Variants in APPL2 observed in about 807,000 individuals in gnomAD.
APPL2 encodes adaptor protein, phosphotyrosine interacting with PH domain and leucine zipper 2, also known as DCC-interacting protein 13-beta.
In APPL2, 84 loss-of-function variants were observed where a neutral mutation model predicts 92.7. The ratio of observed to expected loss-of-function variants is 0.91; its 90% confidence interval spans 0.76 to 1.09. APPL2 has a LOEUF of 1.09. Ranked by LOEUF, APPL2 falls within the 50% of genes least tolerant of loss-of-function variation. The pLI, the probability that APPL2 is intolerant of heterozygous loss-of-function variation, is 0.00. For synonymous variants in APPL2, 291 were observed against 291.0 expected (o/e 1.00, Z 0.00); for missense variants, 736 against 824.5 (o/e 0.89, Z 1.31).
intron 10 of APPL2, among the ~76,000 whole-genome samples, chr12:105,199,165 C>T (rs1312520550): frequency 6.6e-6 from 1 of 152,154 alleles, no homozygotes. Context: ...TTAGAGGACT[C>T]GTTTCCAGCC....
At chr12:105,181,234 T>C (rs1886082835) in intron 17 of APPL2, among the ~76,000 whole-genome samples, 1 of 152,248 alleles carries the variant, frequency 6.6e-6, no homozygotes, top group Non-Finnish European at 1.5e-5. Context: ...GTTTTTGTCA[T>C]TGGTTCTGTT....
At chr12:105,196,603 G>A (rs1887675253) in intron 11 of APPL2, among the ~76,000 whole-genome samples, 3 of 151,760 alleles carry the variant, frequency 2.0e-5, no homozygotes, top group Admixed American at 6.6e-5. Flanking sequence ...TAACGTGCCC[G>A]GCCAATTTTG....
chr12:105,210,479 T>A (rs1306396615), intron 5 of APPL2, among the ~76,000 whole-genome samples: 1 of 152,184 alleles, frequency 6.6e-6, no homozygotes, highest in African/African-American at 2.4e-5. Context: ...ATACTTCCAA[T>A]GAAGAGACAA....
chr12:105,219,972 T>C (rs532206287), intron 2 of APPL2, among the ~76,000 whole-genome samples: 1 of 152,372 alleles, frequency 6.6e-6, no homozygotes, highest in East Asian at 1.9e-4. Flanking sequence ...CCAGACCCTA[T>C]GCTAAATGCA....
rs76657638 is a variant in APPL2 at position 105,191,692 on chromosome 12, A to C, written c.1242-1537T>G. Reference sequence around the variant, plus strand: ...ACCTGTACAGGATCTCCATGTCATCAGCTCTAATGGACACTTCGCAGTCAT... The same window carrying C: ...ACCTGTACAGGATCTCCATGTCATCCGCTCTAATGGACACTTCGCAGTCAT... On this transcript the variant is annotated intron_variant, in intron 14 of 20. Coordinates refer to ENST00000258530, the MANE Select transcript of APPL2 (RefSeq NM_018171.5). Among the ~76,000 whole-genome samples the C allele has an allele frequency of 2.8e-3, 431 of 152,328 alleles. 17 individuals carry two copies. The East Asian group carries it at 0.071, about 25-fold the overall frequency.
At chr12:105,190,692 C>G (rs116959144) in intron 14 of APPL2, among the ~76,000 whole-genome samples, 10 of 152,340 alleles carry the variant, frequency 6.6e-5, no homozygotes, top group Admixed American at 2.0e-4. Flanking sequence ...CAAATTCTTC[C>G]TTATCCACTA....
chr12:105,219,489 T>C lies in APPL2; in HGVS notation c.154-1764A>G, dbSNP rs3794234. ...CAAGTGGACAAAGCCACAAGCACAATGTCCTTCATTCAGATAGGAACGTCC... is the reference window on the plus strand; with the variant it reads ...CAAGTGGACAAAGCCACAAGCACAACGTCCTTCATTCAGATAGGAACGTCC... On this transcript the variant is annotated intron_variant, in intron 2 of 20. Coordinates refer to ENST00000258530, the MANE Select transcript of APPL2 (RefSeq NM_018171.5). Among the ~76,000 whole-genome samples the C allele has an allele frequency of 2.9e-3, 445 of 152,316 alleles. 18 individuals are homozygous for C. In the East Asian group the frequency reaches 0.073, roughly 25 times the overall value.
intron 7 of APPL2, among the ~76,000 whole-genome samples, chr12:105,207,417 A>C (rs1888820117): frequency 6.6e-6 from 1 of 152,242 alleles, no homozygotes; most frequent in Non-Finnish European, 1.5e-5. Flanking sequence ...GGCCGCGGTG[A>C]GGTGAAGCCT....
chr12:105,175,384 A>C (rs1885428402), intron 20 of APPL2, among the ~76,000 whole-genome samples: 1 of 152,230 alleles, frequency 6.6e-6, no homozygotes. Context: ...CTAATATGGT[A>C]GCCACTGGCT....
At chr12:105,185,362 C>T (rs539391602) in intron 17 of APPL2, among the ~76,000 whole-genome samples, 1 of 152,170 alleles carries the variant, frequency 6.6e-6, no homozygotes, top group Non-Finnish European at 1.5e-5. Context: ...CCAGTTTTGT[C>T]CTTGAAACTT....
chr12:105,228,892 A>AG (rs1890716415), intron 2 of APPL2, among the ~76,000 whole-genome samples: 1 of 152,184 alleles, frequency 6.6e-6, no homozygotes, highest in Non-Finnish European at 1.5e-5. Context: ...AATTAGGAGC[A>AG]GTTATGTGGC....
intron 4 of APPL2, among the ~76,000 whole-genome samples, chr12:105,211,987 C>T (rs775748285): frequency 1.3e-5 from 2 of 151,832 alleles, no homozygotes; most frequent in Non-Finnish European, 2.9e-5. Flanking sequence ...AGCATGGTGG[C>T]GGGCACCTGT....
At chr12:105,208,335 A>G (rs1888927479) in intron 5 of APPL2, 136 bp from the exon 6 acceptor site, 1 of 1,032,860 alleles carries the variant, frequency 9.7e-7, no homozygotes, top group Non-Finnish European at 1.4e-6. Context: ...TGGCTCTCAC[A>G]GGCTGGCCCA....
At chr12:105,217,182 T>G (rs1462274929) in intron 3 of APPL2, 42 bp from the exon 4 acceptor site, 6 of 1,381,296 alleles carry the variant, frequency 4.3e-6, no homozygotes, top group Non-Finnish European at 6.1e-6. Flanking sequence ...AAGTGAATAC[T>G]GGGGAATTCA....
intron 12 of APPL2, 39 bp downstream of exon 12, chr12:105,195,546 A>G: frequency 1.2e-6 from 2 of 1,614,180 alleles, no homozygotes; most frequent in Non-Finnish European, 1.7e-6. Flanking sequence ...AAAGTCACCC[A>G]CCACGTTAGG....
intron 17 of APPL2, among the ~76,000 whole-genome samples, chr12:105,186,667 T>TATATATTATATCGATATCATTATATC (rs1566056379): frequency 3.0e-5 from 1 of 33,124 alleles, no homozygotes; most frequent in African/African-American, 6.6e-5. Flanking sequence ...ATATATATCA[T>TATATATTATATCGATATCATTATATC]ATATATGATA....
chr12:105,212,118 C>CAAAAA lies in APPL2; in HGVS notation c.286-806_286-802dup, dbSNP rs5800657. Among the ~76,000 whole-genome samples the CAAAAA allele has an allele frequency of 8.0e-4, 58 of 72,276 alleles. 1 individual carries two copies. The highest frequency in any genetic ancestry group is 1.1e-3 in the Admixed American group (6 of 5,336). The allele number at this position is 72,276 out of a possible 152,430, so 47.4% of individuals were successfully genotyped here. A position where few individuals can be genotyped will look rare whatever the true frequency, so the allele number is the denominator to read the frequency against. ...TGGGTGACAGAGCGAGACTCCATCT[C>CAAAAA]AAAAAAAAAAAAAAAAAAAAAGAAT... On this transcript the variant is annotated intron_variant, in intron 4 of 20. Transcript: ENST00000258530.
intron 19 of APPL2, 147 bp downstream of exon 19, chr12:105,176,729 G>C: frequency 3.0e-6 from 3 of 996,836 alleles, no homozygotes; most frequent in Non-Finnish European, 4.4e-6. Context: ...CTTTCAGTGA[G>C]GCCTTCTTAG....
chr12:105,235,569 A>G (rs1891177833), intron 1 of APPL2, among the ~76,000 whole-genome samples: 1 of 152,172 alleles, frequency 6.6e-6, no homozygotes, highest in Non-Finnish European at 1.5e-5. Context: ...TCTCCTAACA[A>G]CCCTATGAAG....
Sources: allele counts gnomAD v4.1 joint callset (sites outside exome capture counted in the v4.1 genomes callset), GRCh38; gene constraint gnomAD v4.1.1; transcripts MANE v1.5; gene names NCBI Gene and HGNC (gene_info 2026-07-23, HGNC 2026-07-21).